MINDY2: variants seen among roughly 807,000 people sequenced by gnomAD.
The protein encoded by MINDY2 is ubiquitin carboxyl-terminal hydrolase MINDY-2.
Under a neutral mutation model 68.2 loss-of-function variants are expected in MINDY2, and 52 were observed. The ratio of observed to expected loss-of-function variants is 0.76; its 90% CI spans 0.61 to 0.96. The LOEUF is 0.96. Ranked by LOEUF, MINDY2 falls within the 40% of genes least tolerant of loss-of-function variation. The pLI is 0.00. For missense variants in MINDY2, 881 were observed against 773.4 expected, an observed-to-expected ratio of 1.14 and a Z score of -1.65; for synonymous variants, 372 against 303.0, an observed-to-expected ratio of 1.23 and a Z score of -2.36.
At chr15:58,837,900 T>C (rs530498018) in intron 6 of MINDY2, among the ~76,000 whole-genome samples, 3 of 136,688 alleles carry the variant, frequency 2.2e-5, no homozygotes, top group Non-Finnish European at 4.6e-5. Context: ...GTCCAGGAGA[T>C]CGAAGCTACA....
chr15:58,794,928 C>T (rs1458814623), intron 2 of MINDY2, among the ~76,000 whole-genome samples: 1 of 151,970 alleles, frequency 6.6e-6, no homozygotes, highest in Non-Finnish European at 1.5e-5. Flanking sequence ...TGGCTCACGG[C>T]TGTAATCTCA....
intron 2 of MINDY2, among the ~76,000 whole-genome samples, chr15:58,791,946 A>G (rs1303921798): frequency 1.3e-5 from 2 of 152,138 alleles, no homozygotes; most frequent in Non-Finnish European, 2.9e-5. Flanking sequence ...AGCCAGGTAG[A>G]AGAAAAATAG....
At chr15:58,810,632 C>G (rs1461608918) in intron 4 of MINDY2, among the ~76,000 whole-genome samples, 1 of 152,104 alleles carries the variant, frequency 6.6e-6, no homozygotes, top group Non-Finnish European at 1.5e-5. Flanking sequence ...AGAAGACCAC[C>G]CGTACTTCTC....
intron 1 of MINDY2, among the ~76,000 whole-genome samples, chr15:58,785,349 G>A (rs1162244917): frequency 6.6e-6 from 1 of 151,962 alleles, no homozygotes; most frequent in African/African-American, 2.4e-5. Flanking sequence ...AAATATTTGT[G>A]TATTTGCTTC....
chr15:58,826,622 G>T (rs1488276600), intron 5 of MINDY2, among the ~76,000 whole-genome samples: 3 of 152,060 alleles, frequency 2.0e-5, no homozygotes, highest in African/African-American at 7.2e-5. Flanking sequence ...TAAGAACAAG[G>T]AATTCTCTTA....
At chr15:58,852,689 A>G (rs1291685632) in intron 8 of MINDY2, among the ~76,000 whole-genome samples, 1 of 152,134 alleles carries the variant, frequency 6.6e-6, no homozygotes, top group Non-Finnish European at 1.5e-5. Context: ...TCTGTAAAAT[A>G]GAAGAACTCT....
At chr15:58,837,387 A>ACATAGGAAGAC (rs1483266054) in intron 6 of MINDY2, among the ~76,000 whole-genome samples, 1 of 152,008 alleles carries the variant, frequency 6.6e-6, no homozygotes, top group African/African-American at 2.4e-5. Flanking sequence ...AGCCTGGACA[A>ACATAGGAAGAC]CATAGGAAGA....
At chr15:58,816,927 G>A (rs556512273) in intron 4 of MINDY2, among the ~76,000 whole-genome samples, 2 of 152,170 alleles carry the variant, frequency 1.3e-5, no homozygotes, top group African/African-American at 2.4e-5. Flanking sequence ...AATAGCCACC[G>A]TACTCCAGCC....
At chr15:58,826,608 C>T (rs1184890028) in intron 5 of MINDY2, among the ~76,000 whole-genome samples, 3 of 152,122 alleles carry the variant, frequency 2.0e-5, no homozygotes, top group African/African-American at 7.2e-5. Flanking sequence ...CATCATTTGT[C>T]TCCTAAGAAC....
chr15:58,840,661 ATTAT>A (rs2032232768), intron 6 of MINDY2, among the ~76,000 whole-genome samples: 1 of 136,196 alleles, frequency 7.3e-6, no homozygotes, highest in African/African-American at 2.7e-5. Flanking sequence ...TATTATTATT[ATTAT>A]TATTATTTTG....
intron 8 of MINDY2, among the ~76,000 whole-genome samples, chr15:58,852,614 G>GTC (rs533510246): frequency 1.4e-3 from 206 of 152,266 alleles, no homozygotes; most frequent in African/African-American, 4.5e-3. Context: ...TCCTGCTCCT[G>GTC]TCTCTCCTTC....
intron 2 of MINDY2, among the ~76,000 whole-genome samples, chr15:58,788,757 C>G (rs1185909890): frequency 6.6e-6 from 1 of 152,176 alleles, no homozygotes; most frequent in Non-Finnish European, 1.5e-5. Context: ...CGCCTGTAAT[C>G]CCAGCACTTT....
intron 1 of MINDY2, among the ~76,000 whole-genome samples, chr15:58,781,762 G>A (rs1011042639): frequency 7.2e-5 from 11 of 152,148 alleles, no homozygotes; most frequent in Non-Finnish European, 1.3e-4. Context: ...AATTAGCCGT[G>A]TGTGGTGGCG....
chr15:58,854,734 A>T lies in MINDY2; in HGVS notation c.*124A>T. On this transcript the variant is annotated 3_prime_UTR_variant, in exon 9 of 9. Coordinates refer to ENST00000559228, the MANE Select transcript of MINDY2 (RefSeq NM_001040450.3). The stretch of plus-strand genomic sequence containing the variant: ...CCTAATGGATTTTGTTCGTTTTTTC[A>T]GGGGAACGGTTGTTACTTAGTTACA... The T allele has an allele frequency of 8.6e-7, 1 of 1,159,540 alleles. No homozygotes were observed. The highest frequency in any genetic ancestry group is 2.4e-5 in the Admixed American group (1 of 41,676). 71.8% of individuals were successfully genotyped at this position (1,159,540 alleles called of 1,614,324 possible). A position where few individuals can be genotyped will look rare whatever the true frequency, so the allele number is the denominator to read the frequency against.
intron 4 of MINDY2, among the ~76,000 whole-genome samples, chr15:58,816,350 G>A (rs894958239): frequency 8.5e-5 from 13 of 152,342 alleles, no homozygotes; most frequent in African/African-American, 2.4e-4. Context: ...AGATTGTGAA[G>A]AATGACAGTC....
intron 6 of MINDY2, among the ~76,000 whole-genome samples, chr15:58,841,697 GC>G (rs2032297110): frequency 6.6e-6 from 1 of 152,162 alleles, no homozygotes; most frequent in South Asian, 2.1e-4. Context: ...GAGCCACCGC[GC>G]CCGGCTGATC....
intron 1 of MINDY2, among the ~76,000 whole-genome samples, chr15:58,779,769 G>A (rs1164295954): frequency 6.6e-6 from 1 of 152,192 alleles, no homozygotes; most frequent in East Asian, 1.9e-4. Flanking sequence ...GTAAGATAAG[G>A]TAGACAAGGG....
At position 58,771,457 on chromosome 15, in the gene MINDY2, C is replaced by G. The variant is rs745765854; in HGVS notation, c.62C>G (p.Ser21Ter). The stretch of plus-strand genomic sequence containing the variant: ...CACGGGGTGGCGGCCGGGCCAGCGT[C>G]AGGGACAGGTTCTTCGCAGGAAGGG... ...LEHGVAAGPA[S>*]GTGSSQEGLQ... The change falls in exon 1 of 9, where the codon TCA (serine) becomes TGA (stop). Residue 21 changes from serine to a stop codon, truncating the protein, a stop_gained. Coordinates refer to ENST00000559228, the MANE Select transcript of MINDY2 (RefSeq NM_001040450.3). LOFTEE classifies it high-confidence loss of function. 6.2e-7 allele frequency: 1 copy of G among 1,612,454 alleles called. No homozygotes were observed. The highest frequency in any genetic ancestry group is 8.5e-7 in the Non-Finnish European group (1 of 1,179,786).
At chr15:58,842,632 C>G (rs1020973606) in intron 6 of MINDY2, among the ~76,000 whole-genome samples, 1 of 152,044 alleles carries the variant, frequency 6.6e-6, no homozygotes, top group African/African-American at 2.4e-5. Context: ...ATCTTTTTCT[C>G]TTAAATAGGA....
Sources: allele counts gnomAD v4.1 joint callset (sites outside exome capture counted in the v4.1 genomes callset), GRCh38; gene constraint gnomAD v4.1.1; transcripts MANE v1.5; gene names NCBI Gene and HGNC (gene_info 2026-07-23, HGNC 2026-07-21).